Variants in SLC13A1 observed in about 807,000 individuals in gnomAD.
The protein encoded by SLC13A1 is solute carrier family 13 member 1.
Under a neutral mutation model 70.0 loss-of-function variants are expected in SLC13A1, and 65 were observed. The observed-to-expected ratio is 0.93, with a 90% CI of 0.76 to 1.14. The LOEUF (loss-of-function observed/expected upper bound fraction) is 1.14, where lower values mean the gene tolerates loss of function less well. Among genes scored for constraint, SLC13A1 ranks in the 50% most tolerant of loss-of-function variants. SLC13A1 has a pLI of 0.00. For missense variants in SLC13A1, 726 were observed against 717.8 expected (o/e 1.01, Z -0.13); for synonymous variants, 275 against 250.5 (o/e 1.10, Z -0.92).
At chr7:123,123,288 C>T (rs1003537252) in intron 11 of SLC13A1, 53 bp from the exon 12 acceptor site, 60 of 1,140,864 alleles carry the variant, frequency 5.3e-5, no homozygotes, top group Admixed American at 8.5e-5. Context: ...TACAATATGA[C>T]ATTTGCTTCA....
At chr7:123,125,449 A>G in intron 11 of SLC13A1, 120 bp downstream of exon 11, 1 of 682,674 alleles carries the variant, frequency 1.5e-6, no homozygotes, top group Non-Finnish European at 2.5e-6. Context: ...AGGGCATGCT[A>G]GGCCAGGGAT....
chr7:123,117,292 T>G (rs2116240176), intron 14 of SLC13A1, among the ~76,000 whole-genome samples, 179 bp downstream of exon 14: 1 of 152,278 alleles, frequency 6.6e-6, no homozygotes, highest in South Asian at 2.1e-4. Context: ...GCATGTTCAC[T>G]TCTGATAATC....
At chr7:123,144,129 C>T (rs1241753308) in intron 7 of SLC13A1, among the ~76,000 whole-genome samples, 1 of 152,064 alleles carries the variant, frequency 6.6e-6, no homozygotes, top group Non-Finnish European at 1.5e-5. Flanking sequence ...GGTGGCAGAT[C>T]AAGCATGCTG....
At position 123,123,125 on chromosome 7, in the gene SLC13A1, C is replaced by G; in HGVS notation, c.1350+1G>C. ...TAAATATCTTACACACAGAGTATTA[C>G]CTCACAACCATCTGCCAGGGCAAAC... On this transcript the variant is annotated splice_donor_variant, in intron 12 of 14. Transcript: ENST00000194130. LOFTEE classifies it high-confidence loss of function. The G allele has an allele frequency of 6.3e-7, 1 of 1,596,916 alleles. No homozygotes were observed. Among genetic ancestry groups the G allele is most frequent in the Non-Finnish European group, 8.6e-7 (1 of 1,164,580 alleles).
chr7:123,171,171 T>TA (rs1795259680), intron 3 of SLC13A1, among the ~76,000 whole-genome samples: 1 of 152,212 alleles, frequency 6.6e-6, no homozygotes, highest in Non-Finnish European at 1.5e-5. Context: ...TTCATGTTCT[T>TA]AGCAAGAAGT....
chr7:123,117,570 T>C lies in SLC13A1; in HGVS notation c.1551A>G (p.Ile517Met). 6.2e-7 allele frequency: 1 copy of C among 1,611,436 alleles called. No homozygotes were observed. The highest frequency in any genetic ancestry group is 8.5e-7 in the Non-Finnish European group (1 of 1,178,104). ...AIHVNPLYIL[I>M]PSTLCTSFAF... is the part of the protein sequence containing the mutation. ...CAAATGAAGTACACAGAGTAGAAGGTATCAGAATATAAAGAGGGTTCACAT... is the reference window on the plus strand; with the variant it reads ...CAAATGAAGTACACAGAGTAGAAGGCATCAGAATATAAAGAGGGTTCACAT... Residue 517 changes from isoleucine to methionine, a missense_variant, in exon 14 of 15, where the codon ATA becomes ATG. Transcript: ENST00000194130.
chr7:123,184,776 T>C (rs1425845115), intron 1 of SLC13A1, among the ~76,000 whole-genome samples: 1 of 152,046 alleles, frequency 6.6e-6, no homozygotes, highest in Non-Finnish European at 1.5e-5. Flanking sequence ...AGTGCAGCAA[T>C]AAACATGGGA....
intron 6 of SLC13A1, among the ~76,000 whole-genome samples, chr7:123,162,291 T>G: frequency 6.6e-6 from 1 of 152,144 alleles, no homozygotes; most frequent in Non-Finnish European, 1.5e-5. Context: ...AGTCAATAGT[T>G]TCTTTAATAG....
intron 1 of SLC13A1, among the ~76,000 whole-genome samples, chr7:123,193,095 T>C (rs982130582): frequency 6.6e-6 from 1 of 152,082 alleles, no homozygotes; most frequent in African/African-American, 2.4e-5. Flanking sequence ...ACAGAAATAA[T>C]CAGTTCTCCA....
At chr7:123,175,835 G>A (rs1042210062) in intron 2 of SLC13A1, among the ~76,000 whole-genome samples, 1 of 152,152 alleles carries the variant, frequency 6.6e-6, no homozygotes, top group Non-Finnish European at 1.5e-5. Flanking sequence ...TTAGAAGCAA[G>A]CCATTATTAG....
chr7:123,139,323 C>T (rs1382039350), intron 7 of SLC13A1, among the ~76,000 whole-genome samples: 3 of 151,964 alleles, frequency 2.0e-5, no homozygotes, highest in East Asian at 3.9e-4. Context: ...TATAGCTCTG[C>T]AGTGTAATTA....
At chr7:123,133,281 G>T (rs1293892898) in intron 8 of SLC13A1, among the ~76,000 whole-genome samples, 1 of 152,088 alleles carries the variant, frequency 6.6e-6, no homozygotes, top group African/African-American at 2.4e-5. Flanking sequence ...AACATCCTCA[G>T]ATCTTTATTG....
chr7:123,136,889 G>A (rs1480456616), intron 7 of SLC13A1, among the ~76,000 whole-genome samples: 1 of 152,138 alleles, frequency 6.6e-6, no homozygotes, highest in Non-Finnish European at 1.5e-5. Context: ...CATTCCAGAC[G>A]GAGGAAATAG....
At chr7:123,149,939 C>T (rs554821603) in intron 6 of SLC13A1, among the ~76,000 whole-genome samples, 2 of 152,218 alleles carry the variant, frequency 1.3e-5, no homozygotes, top group Admixed American at 6.5e-5. Context: ...TCTTTCTTGT[C>T]TTTTCTTGAA....
chr7:123,149,799 C>A (rs1176624394), intron 6 of SLC13A1, among the ~76,000 whole-genome samples: 1 of 152,136 alleles, frequency 6.6e-6, no homozygotes, highest in Non-Finnish European at 1.5e-5. Context: ...ACTGCACTGG[C>A]AAATCTAAGT....
intron 7 of SLC13A1, among the ~76,000 whole-genome samples, chr7:123,140,873 AG>A (rs908345132): frequency 1.6e-4 from 24 of 152,138 alleles, no homozygotes; most frequent in African/African-American, 4.1e-4. Flanking sequence ...AAAAAAGAAA[AG>A]TTTTCATTGA....
chr7:123,131,113 T>C (rs1385368539), intron 8 of SLC13A1, among the ~76,000 whole-genome samples: 1 of 152,220 alleles, frequency 6.6e-6, no homozygotes, highest in Non-Finnish European at 1.5e-5. Flanking sequence ...GGGGCAAGCC[T>C]ATACATTCAT....
intron 1 of SLC13A1, among the ~76,000 whole-genome samples, chr7:123,193,775 C>T (rs764030631): frequency 6.6e-6 from 1 of 152,040 alleles, no homozygotes; most frequent in Non-Finnish European, 1.5e-5. Context: ...CTATGAGGCT[C>T]ACAGTGGGCA....
At chr7:123,151,147 A>G (rs1233385505) in intron 6 of SLC13A1, among the ~76,000 whole-genome samples, 1 of 151,852 alleles carries the variant, frequency 6.6e-6, no homozygotes, top group African/African-American at 2.4e-5. Context: ...AACATGGTGA[A>G]ACCCTGTCTC....
Sources: gnomAD v4.1 joint callset for allele counts (sites outside exome capture counted in the v4.1 genomes callset) on GRCh38, gnomAD v4.1.1 for gene constraint, MANE v1.5 for transcripts, NCBI Gene and HGNC (gene_info 2026-07-23, HGNC 2026-07-21) for gene names.